Variants in TSGA10 observed in about 807,000 individuals in gnomAD.
The protein encoded by TSGA10 is testis specific 10.
TSGA10 carries 43 observed loss-of-function variants against 96.6 expected under a neutral mutation model. That is an observed-to-expected ratio of 0.44 (90% CI 0.35 to 0.57). The LOEUF is 0.57. Ranked by LOEUF, TSGA10 falls within the 20% of genes least tolerant of loss-of-function variation. TSGA10 has a pLI of 0.01. For synonymous variants in TSGA10, 229 were observed against 269.9 expected (o/e 0.85, Z 1.48); for missense variants, 703 against 834.4 (o/e 0.84, Z 1.94).
At chr2:99,042,131 G>A (rs749915975) in intron 16 of TSGA10, among the ~76,000 whole-genome samples, 13 of 150,358 alleles carry the variant, frequency 8.6e-5, no homozygotes, top group Non-Finnish European at 8.9e-5. Flanking sequence ...CAACCTCTCT[G>A]GTTGAAAATG....
intron 1 of TSGA10, among the ~76,000 whole-genome samples, chr2:99,142,884 A>G (rs1194681015): frequency 6.6e-6 from 1 of 152,160 alleles, no homozygotes; most frequent in Non-Finnish European, 1.5e-5. Flanking sequence ...GGAAGTAGGA[A>G]AGTACTTCCC....
intron 2 of TSGA10, chr2:99,125,869 G>A (rs760207208): frequency 2.6e-5 from 4 of 152,196 alleles, no homozygotes; most frequent in Non-Finnish European, 5.9e-5. Flanking sequence ...AGTTCCCTAC[G>A]TGTCCCCCAC....
chr2:99,070,854 A>G (rs1237259168), intron 14 of TSGA10, among the ~76,000 whole-genome samples: 2 of 152,182 alleles, frequency 1.3e-5, no homozygotes, highest in South Asian at 2.1e-4. Context: ...AGTATGGTGC[A>G]TATGTCACAA....
intron 10 of TSGA10, among the ~76,000 whole-genome samples, chr2:99,093,403 G>C (rs750749823): frequency 2.2e-4 from 33 of 152,252 alleles, no homozygotes; most frequent in Admixed American, 6.5e-4. Flanking sequence ...GTCTTAGCCA[G>C]AGCAATCAGA....
At chr2:99,032,860 C>T (rs991879982) in intron 17 of TSGA10, among the ~76,000 whole-genome samples, 3 of 152,140 alleles carry the variant, frequency 2.0e-5, no homozygotes, top group Admixed American at 6.5e-5. Flanking sequence ...AATGAGTCAC[C>T]GTGGTATGCA....
intron 17 of TSGA10, among the ~76,000 whole-genome samples, chr2:99,025,275 A>C (rs1450979429): frequency 6.6e-6 from 1 of 152,154 alleles, no homozygotes; most frequent in South Asian, 2.1e-4. Context: ...TACTTTATGG[A>C]AGTTTAAAAA....
chr2:99,085,609 TAAAAAAAAAAAA>T (rs200309936), intron 10 of TSGA10, among the ~76,000 whole-genome samples: 4 of 52,470 alleles, frequency 7.6e-5, no homozygotes, highest in African/African-American at 2.4e-4. Flanking sequence ...ATCCTGTCTT[TAAAAAAAAAAAA>T]AAAAAAAAAA....
At chr2:99,125,292 G>T (rs936585556) in intron 2 of TSGA10, 1 of 152,132 alleles carries the variant, frequency 6.6e-6, no homozygotes, top group Non-Finnish European at 1.5e-5. Flanking sequence ...TATCTTGGTT[G>T]CTTCCAAGTT....
intron 9 of TSGA10, among the ~76,000 whole-genome samples, chr2:99,104,366 A>C (rs1359869406): frequency 2.6e-5 from 4 of 152,208 alleles, no homozygotes; most frequent in Non-Finnish European, 5.9e-5. Context: ...GTTCAATTTG[A>C]CTATAGTATA....
chr2:99,117,989 T>C (rs1174708401), intron 3 of TSGA10, among the ~76,000 whole-genome samples: 1 of 152,168 alleles, frequency 6.6e-6, no homozygotes, highest in African/African-American at 2.4e-5. Flanking sequence ...AGACAATTTA[T>C]AGTTTATTTT....
chr2:99,096,048 A>G (rs1196530466), intron 10 of TSGA10, among the ~76,000 whole-genome samples: 1 of 152,256 alleles, frequency 6.6e-6, no homozygotes. Flanking sequence ...ATCTTTAATA[A>G]TCAATGAGAA....
intron 1 of TSGA10, among the ~76,000 whole-genome samples, chr2:99,152,190 C>A (rs2093700463): frequency 2.0e-5 from 3 of 152,152 alleles, no homozygotes; most frequent in Admixed American, 2.0e-4. Context: ...CTAGGAAAGA[C>A]AGGAGATTAT....
At chr2:99,005,880 T>C (rs973779800) in intron 20 of TSGA10, among the ~76,000 whole-genome samples, 12 of 152,226 alleles carry the variant, frequency 7.9e-5, no homozygotes, top group African/African-American at 2.9e-4. Flanking sequence ...TCACGTTACC[T>C]GACTTCAAAC....
chr2:99,117,504 A>G, intron 4 of TSGA10, 40 bp downstream of exon 4: 1 of 918,646 alleles, frequency 1.1e-6, no homozygotes, highest in Non-Finnish European at 1.3e-6. Context: ...CATGATGTTT[A>G]AAGTAAAATT....
intron 15 of TSGA10, among the ~76,000 whole-genome samples, chr2:99,067,925 G>A (rs2085456884): frequency 6.6e-6 from 1 of 152,076 alleles, no homozygotes; most frequent in South Asian, 2.1e-4. Context: ...GGCTCACTGT[G>A]CTAGGTGTTT....
chr2:99,113,591 G>T (rs764176625), intron 4 of TSGA10, among the ~76,000 whole-genome samples: 14 of 152,140 alleles, frequency 9.2e-5, no homozygotes, highest in Non-Finnish European at 2.1e-4. Flanking sequence ...TGTCATCCAG[G>T]CTGGAGCGCA....
intron 17 of TSGA10, among the ~76,000 whole-genome samples, chr2:99,027,679 T>C (rs994030599): frequency 6.6e-6 from 1 of 152,130 alleles, no homozygotes; most frequent in Non-Finnish European, 1.5e-5. Flanking sequence ...TACATAATTA[T>C]TATTTGTCAA....
intron 20 of TSGA10, among the ~76,000 whole-genome samples, chr2:99,008,756 T>C (rs2078724105): frequency 1.3e-5 from 2 of 152,304 alleles, no homozygotes; most frequent in African/African-American, 2.4e-5. Flanking sequence ...TTGCAAATTA[T>C]TGGAAACTAC....
rs28786970 is a variant in TSGA10, at chr2:99,045,494, G to A, written c.1405-10055C>T. Among the ~76,000 whole-genome samples the A allele has an allele frequency of 3.2e-3, 490 of 152,224 alleles. 1 individual carries two copies. The highest frequency in any genetic ancestry group is 5.1e-3 in the Non-Finnish European group (348 of 68,020). On this transcript the variant is annotated intron_variant, in intron 16 of 20. Coordinates refer to ENST00000393483, the MANE Select transcript of TSGA10 (RefSeq NM_025244.4). ...TATCCAGCCAAACCAAGCTTCAAAA[G>A]TGAAGGAGAAATAAAATGCTTTAAA... is the stretch of plus-strand genomic sequence containing the variant.
Sources: allele counts gnomAD v4.1 joint callset (sites outside exome capture counted in the v4.1 genomes callset), GRCh38; gene constraint gnomAD v4.1.1; transcripts MANE v1.5; gene names NCBI Gene and HGNC (gene_info 2026-07-23, HGNC 2026-07-21).